Variants in GLIS3 observed in about 807,000 individuals in gnomAD.
The protein encoded by GLIS3 is GLIS family zinc finger 3.
GLIS3 carries 53 observed loss-of-function variants against 78.6 expected under a neutral mutation model. The observed-to-expected ratio is 0.67, with a 90% confidence interval of 0.54 to 0.85. The LOEUF (loss-of-function observed/expected upper bound fraction) is 0.85, where lower values mean the gene tolerates loss of function less well. GLIS3 is among the 40% of genes least tolerant of loss of function. GLIS3 has a pLI of 0.00. For synonymous variants in GLIS3, 684 were observed against 509.9 expected, an observed-to-expected ratio of 1.34 and a Z score of -4.60; for missense variants, 1,703 against 1,231.1, an observed-to-expected ratio of 1.38 and a Z score of -5.74.
the GLIS3 span, among the ~76,000 whole-genome samples, chr9:4,486,684 T>A: frequency 6.6e-6 from 1 of 152,084 alleles, no homozygotes; most frequent in Non-Finnish European, 1.5e-5. Context: ...AGGGCCTTGG[T>A]CCTCCCAGTG....
At chr9:4,401,089 G>C in the GLIS3 span, among the ~76,000 whole-genome samples, 1 of 152,126 alleles carries the variant, frequency 6.6e-6, no homozygotes, top group Non-Finnish European at 1.5e-5. Flanking sequence ...GCCACAGTAG[G>C]ACGAGCAACA....
chr9:4,412,061 G>C, the GLIS3 span, among the ~76,000 whole-genome samples: 1 of 152,146 alleles, frequency 6.6e-6, no homozygotes, highest in South Asian at 2.1e-4. Context: ...AATTATCCAA[G>C]TCTCTAAACA....
At chr9:4,128,379 C>T (rs941816283) in intron 2 of GLIS3, among the ~76,000 whole-genome samples, 2 of 152,244 alleles carry the variant, frequency 1.3e-5, no homozygotes, top group Admixed American at 6.5e-5. Flanking sequence ...CACTTTTATA[C>T]TTCACTGCTG....
intron 2 of GLIS3, among the ~76,000 whole-genome samples, chr9:4,249,055 G>C (rs558001462): frequency 7.9e-5 from 12 of 152,270 alleles, no homozygotes; most frequent in African/African-American, 2.9e-4. Flanking sequence ...TTTGAAGTCA[G>C]GTAGCATGAT....
At chr9:3,971,751 T>C (rs1818398435) in intron 4 of GLIS3, among the ~76,000 whole-genome samples, 1 of 152,196 alleles carries the variant, frequency 6.6e-6, no homozygotes, top group African/African-American at 2.4e-5. Context: ...AGCACTGTCT[T>C]GTATTTAACT....
chr9:4,459,809 A>C, the GLIS3 span, among the ~76,000 whole-genome samples: 2 of 151,710 alleles, frequency 1.3e-5, no homozygotes, highest in Non-Finnish European at 2.9e-5. Context: ...ACCCTGTCTC[A>C]AAAAAGAAAA....
the GLIS3 span, among the ~76,000 whole-genome samples, chr9:4,374,328 G>C: frequency 2.6e-5 from 4 of 152,184 alleles, no homozygotes; most frequent in Non-Finnish European, 1.5e-5. Flanking sequence ...CCCTGCAAAG[G>C]AAAAAGATGG....
At chr9:4,397,194 T>C in the GLIS3 span, among the ~76,000 whole-genome samples, 3 of 140,778 alleles carry the variant, frequency 2.1e-5, no homozygotes, top group Non-Finnish European at 3.0e-5. Flanking sequence ...CCCGGCTAAT[T>C]TTTTGTATTT....
chr9:4,427,084 T>C, the GLIS3 span, among the ~76,000 whole-genome samples: 2 of 152,190 alleles, frequency 1.3e-5, no homozygotes, highest in African/African-American at 4.8e-5. Flanking sequence ...TGAAAGTGAA[T>C]TATCCATAAA....
At chr9:3,848,912 A>T (rs1266935790) in intron 9 of GLIS3, among the ~76,000 whole-genome samples, 1 of 152,254 alleles carries the variant, frequency 6.6e-6, no homozygotes, top group Non-Finnish European at 1.5e-5. Flanking sequence ...GGCCTGCTTT[A>T]GGAAGCCTGC....
chr9:4,471,956 A>T, the GLIS3 span, among the ~76,000 whole-genome samples: 1 of 152,256 alleles, frequency 6.6e-6, no homozygotes, highest in Non-Finnish European at 1.5e-5. Context: ...GGATGTGAAC[A>T]GACACTTTTC....
chr9:3,877,526 A>G (rs1168208488), intron 8 of GLIS3, among the ~76,000 whole-genome samples: 1 of 152,174 alleles, frequency 6.6e-6, no homozygotes, highest in East Asian at 1.9e-4. Context: ...AAGTCAGTTT[A>G]TTATTCTGTC....
chr9:4,178,482 G>C (rs893618029), intron 2 of GLIS3, among the ~76,000 whole-genome samples: 1 of 152,166 alleles, frequency 6.6e-6, no homozygotes, highest in East Asian at 1.9e-4. Context: ...CTGCAGCTAG[G>C]AGCATCCAAT....
chr9:4,460,023 T>C, the GLIS3 span, among the ~76,000 whole-genome samples: 20,269 of 152,062 alleles, frequency 0.13, 1,457 homozygotes, highest in Middle Eastern at 0.22. Context: ...GCCGCTAAAG[T>C]GGTGCTGAAT....
intron 1 of GLIS3, among the ~76,000 whole-genome samples, chr9:4,347,691 A>T (rs1817913269): frequency 1.3e-5 from 2 of 151,956 alleles, no homozygotes; most frequent in South Asian, 4.2e-4. Flanking sequence ...TAAACCTCAC[A>T]TGGTAGCTTT....
At position 4,204,989 on chromosome 9, in the gene GLIS3, C is replaced by G. The variant is rs139563345; in HGVS notation, c.389-79048G>C. ...GGTCAAGAGTTTCAGACCAACCTGG[C>G]CAACATGATGAAACCCCGTCTCTAT... On this transcript the variant is annotated intron_variant, in intron 2 of 10. Transcript: ENST00000381971. Among the ~76,000 whole-genome samples, 42 of 151,040 alleles carry G rather than the reference C, an allele frequency of 2.8e-4. 1 individual carries two copies. The highest frequency in any genetic ancestry group is 1.0e-3 in the African/African-American group (41 of 41,134).
At chr9:4,286,851 C>G (rs1250803173) in intron 1 of GLIS3, among the ~76,000 whole-genome samples, 1 of 152,212 alleles carries the variant, frequency 6.6e-6, no homozygotes, top group Non-Finnish European at 1.5e-5. Context: ...TCTGTCCATA[C>G]TAGTTCACTT....
the GLIS3 span, among the ~76,000 whole-genome samples, chr9:4,412,421 A>C: frequency 4.6e-5 from 7 of 152,204 alleles, no homozygotes; most frequent in African/African-American, 1.4e-4. Flanking sequence ...TGAACTAGAG[A>C]GTATTCCATC....
chr9:4,296,060 C>T (rs542592608), intron 1 of GLIS3, among the ~76,000 whole-genome samples: 1 of 152,132 alleles, frequency 6.6e-6, no homozygotes, highest in East Asian at 1.9e-4. Context: ...ATATAATGCC[C>T]TCTACAGAAA....
Sources: gnomAD v4.1 joint callset for allele counts (sites outside exome capture counted in the v4.1 genomes callset) on GRCh38, gnomAD v4.1.1 for gene constraint, MANE v1.5 for transcripts, NCBI Gene and HGNC (gene_info 2026-07-23, HGNC 2026-07-21) for gene names.